Variants in GRK4 observed in about 807,000 individuals in gnomAD.
The protein encoded by GRK4 is G protein-coupled receptor kinase 2-like.
In GRK4, 73 loss-of-function variants were observed where a neutral mutation model predicts 77.9. That is an observed-to-expected ratio of 0.94 (90% confidence interval 0.78 to 1.14). The LOEUF (loss-of-function observed/expected upper bound fraction) is 1.14, where lower values mean the gene tolerates loss of function less well. GRK4 is among the 50% of genes most tolerant of loss of function. The pLI is 0.00. For synonymous variants in GRK4, 257 were observed against 254.4 expected, an observed-to-expected ratio of 1.01 and a Z score of -0.10; for missense variants, 729 against 700.2, an observed-to-expected ratio of 1.04 and a Z score of -0.46.
At chr4:2,966,878 A>G (rs551695921) in intron 1 of GRK4, 1 of 152,334 alleles carries the variant, frequency 6.6e-6, no homozygotes, top group Admixed American at 6.5e-5. Flanking sequence ...AAATAGAATC[A>G]GTCAGTCTCA....
intron 8 of GRK4, among the ~76,000 whole-genome samples, chr4:3,015,249 G>T (rs1223204774): frequency 6.6e-6 from 1 of 152,212 alleles, no homozygotes; most frequent in Non-Finnish European, 1.5e-5. Context: ...TGAAGGGAGA[G>T]TGTGAACGAG....
rs943810163 is a variant in GRK4 at position 3,011,676 on chromosome 4, G to A, written c.600+1965G>A. On this transcript the variant is annotated intron_variant, in intron 7 of 15. Coordinates refer to ENST00000398052, the MANE Select transcript of GRK4 (RefSeq NM_182982.3). ...AGGAGCCCTGCTTGCCCTCATGCGG[G>A]GACAGCCTCGGTGCCCTTTAATCCA... Among the ~76,000 whole-genome samples the A allele has an allele frequency of 3.3e-5, 5 of 152,128 alleles. No individual in the cohort carries two copies. The East Asian group carries it at 9.6e-4, about 29-fold the overall frequency.
chr4:2,988,801 C>G lies in GRK4; in HGVS notation c.223C>G (p.Pro75Ala), dbSNP rs1725227230. The G allele has an allele frequency of 6.2e-7, 1 of 1,612,294 alleles. No individual in the cohort carries two copies. Among genetic ancestry groups the G allele is most frequent in the Non-Finnish European group, 8.5e-7 (1 of 1,178,554 alleles). ...RLFRQFCDTK[P>A]TLKRHIEFLD... is the part of the protein sequence containing the mutation. ...CTTCAGGCAGTTCTGTGATACCAAA[C>G]CCACTCTAAAGAGGCACATTGAATT... Residue 75 changes from proline (P) to alanine (A), a missense_variant, in exon 3 of 16, where the codon CCC becomes GCC. Transcript: ENST00000398052.
chr4:2,969,976 C>T (rs1018937892), intron 1 of GRK4, among the ~76,000 whole-genome samples: 10 of 152,158 alleles, frequency 6.6e-5, no homozygotes, highest in African/African-American at 1.4e-4. Flanking sequence ...CCACTACACC[C>T]GGCCTATTAG....
At chr4:2,967,979 G>A (rs536971506) in intron 1 of GRK4, among the ~76,000 whole-genome samples, 5 of 151,174 alleles carry the variant, frequency 3.3e-5, no homozygotes, top group Non-Finnish European at 5.9e-5. Flanking sequence ...TAGTAGAGAC[G>A]GGGGTTTCTC....
intron 1 of GRK4, among the ~76,000 whole-genome samples, chr4:2,976,108 C>A (rs1009776202): frequency 3.3e-5 from 5 of 152,240 alleles, no homozygotes. Flanking sequence ...TGTCTGCTTG[C>A]TTCAGCCCTT....
intron 1 of GRK4, among the ~76,000 whole-genome samples, chr4:2,981,528 T>C (rs368829085): frequency 7.9e-5 from 12 of 152,248 alleles, no homozygotes; most frequent in Middle Eastern, 6.8e-3. Flanking sequence ...CTGATGAGTA[T>C]ACAGCCCTCA....
Position 2,992,233 on chromosome 4 carries a change from G to A in GRK4, c.280G>A (p.Asp94Asn), listed in dbSNP as rs377489222. 8 of 1,609,692 alleles carry A rather than the reference G, an allele frequency of 5.0e-6. No homozygotes were observed. The highest frequency in any genetic ancestry group is 4.4e-5 in the South Asian group (4 of 90,992). ...LDAVAEYEVA[D>N]DEDRSDCGLS... ...CAATCAGGCAGAATATGAAGTTGCC[G>A]ATGATGAGGACCGAAGTGATTGTGG... The change falls in exon 4 of 16, where the codon GAT (aspartate) becomes AAT (asparagine). Residue 94 changes from aspartate to asparagine, a missense_variant. Transcript: ENST00000398052.
intron 7 of GRK4, among the ~76,000 whole-genome samples, chr4:3,012,866 C>A (rs972995223): frequency 6.6e-6 from 1 of 152,006 alleles, no homozygotes; most frequent in East Asian, 1.9e-4. Flanking sequence ...TTAGGCCAGG[C>A]GCGGTGGCTC....
intron 1 of GRK4, 25 bp downstream of exon 1, chr4:2,964,147 A>ACCCCC (rs142156088): frequency 2.9e-5 from 34 of 1,153,536 alleles, no homozygotes; most frequent in Admixed American, 1.0e-4. Flanking sequence ...GGCGCCCCCG[A>ACCCCC]CCCCCCCCCC....
At position 3,038,489 on chromosome 4, in the gene GRK4, C is replaced by T; in HGVS notation, c.1659C>T (p.Phe553=). The T allele has an allele frequency of 6.2e-7, 1 of 1,613,370 alleles. No individual in the cohort carries two copies. The highest frequency in any genetic ancestry group is 2.2e-5 in the East Asian group (1 of 44,842). Residue 553 remains phenylalanine, a synonymous_variant, in exon 15 of 16, where the codon TTC becomes TTT. Coordinates refer to ENST00000398052, the MANE Select transcript of GRK4 (RefSeq NM_182982.3). ...CGGTTTCCAGACCAAACAGAGGCTTCTTCTATAGACTCTTCAGAAGAGGGG... is the reference window on the plus strand; with the variant it reads ...CGGTTTCCAGACCAAACAGAGGCTTTTTCTATAGACTCTTCAGAAGAGGGG... ...HTPVSRPNRG[F]FYRLFRRGGC... is the part of the protein sequence containing the mutation.
At chr4:3,015,753 A>C (rs1360160821) in intron 8 of GRK4, among the ~76,000 whole-genome samples, 1 of 151,866 alleles carries the variant, frequency 6.6e-6, no homozygotes, top group Non-Finnish European at 1.5e-5. Flanking sequence ...ATCTGTAATA[A>C]AATGGGCTTA....
chr4:2,972,164 G>C (rs1366766147), intron 1 of GRK4, among the ~76,000 whole-genome samples: 2 of 152,032 alleles, frequency 1.3e-5, no homozygotes, highest in Non-Finnish European at 2.9e-5. Flanking sequence ...CCTGCTTTTG[G>C]GGACCTCAAA....
intron 4 of GRK4, among the ~76,000 whole-genome samples, chr4:2,997,806 G>C (rs1026387492): frequency 6.6e-6 from 1 of 151,604 alleles, no homozygotes; most frequent in Non-Finnish European, 1.5e-5. Flanking sequence ...TACTGAGGAG[G>C]CTGAGGCAAG....
In GRK4 at chr4:2,963,778, A is replaced by T. The variant is rs982020306; in HGVS notation, c.-293A>T. The stretch of plus-strand genomic sequence containing the variant: ...GCGCGAGGCGAGGGCGATGGGGCCA[A>T]GAAGAACCGGGGCGATAGCGCGGCA... On this transcript the variant is annotated 5_prime_UTR_variant, in exon 1 of 16. In the 5' UTR this introduces an upstream ATG that the reference lacks. Coordinates refer to ENST00000398052, the MANE Select transcript of GRK4 (RefSeq NM_182982.3). 1 of 496,208 alleles carries T rather than the reference A, an allele frequency of 2.0e-6. No individual in the cohort carries two copies. The highest frequency in any genetic ancestry group is 3.5e-6 in the Non-Finnish European group (1 of 282,512). The allele number at this position is 496,208 out of a possible 1,614,324, so 30.7% of individuals were successfully genotyped here.
At chr4:2,983,182 C>G (rs1182388603) in intron 1 of GRK4, among the ~76,000 whole-genome samples, 1 of 152,228 alleles carries the variant, frequency 6.6e-6, no homozygotes, top group Non-Finnish European at 1.5e-5. Context: ...CTCTTCTGAG[C>G]TCATCCCAGT....
intron 4 of GRK4, among the ~76,000 whole-genome samples, chr4:2,993,501 C>G (rs1726891507): frequency 6.6e-6 from 1 of 152,132 alleles, no homozygotes; most frequent in Non-Finnish European, 1.5e-5. Context: ...TGGTGAAACC[C>G]TGTCTCTACT....
chr4:3,012,634 C>A (rs1186906563), intron 7 of GRK4, among the ~76,000 whole-genome samples: 1 of 152,184 alleles, frequency 6.6e-6, no homozygotes, highest in Non-Finnish European at 1.5e-5. Context: ...GAAGAAACAG[C>A]AGCCTAATGT....
At chr4:2,975,870 G>A (rs1017598948) in intron 1 of GRK4, among the ~76,000 whole-genome samples, 3 of 152,132 alleles carry the variant, frequency 2.0e-5, no homozygotes, top group Non-Finnish European at 2.9e-5. Context: ...TCCTGCACTA[G>A]GCCCCAAAAA....
Sources: gnomAD v4.1 joint callset for allele counts (sites outside exome capture counted in the v4.1 genomes callset) on GRCh38, gnomAD v4.1.1 for gene constraint, MANE v1.5 for transcripts, NCBI Gene and HGNC (gene_info 2026-07-23, HGNC 2026-07-21) for gene names.